The following DACH1 variants were observed in gnomAD, a reference collection of about 807,000 sequenced individuals.
The protein encoded by DACH1 is dachshund homolog 1.
A neutral mutation model predicts 54.2 loss-of-function variants in DACH1; 12 were observed. The ratio of observed to expected loss-of-function variants is 0.22; its 90% CI spans 0.14 to 0.36. The LOEUF is 0.36. DACH1 is among the 10% of genes least tolerant of loss of function. DACH1 has a pLI of 1.00. For synonymous variants in DACH1, 386 were observed against 366.2 expected, an observed-to-expected ratio of 1.05 and a Z score of -0.62; for missense variants, 805 against 929.8, an observed-to-expected ratio of 0.87 and a Z score of 1.75.
At position 71,816,596 on chromosome 13, in the gene DACH1, ACATATGTGTGTATATATATACACGTG is replaced by A. The variant is rs1289329940; in HGVS notation, c.848+49300_848+49325del. Among the ~76,000 whole-genome samples the A allele has an allele frequency of 5.6e-3, 567 of 102,084 alleles. 5 individuals are homozygous for A. The highest frequency in any genetic ancestry group is 0.018 in the African/African-American group (549 of 30,920). The allele number at this position is 102,084 out of a possible 152,430, so 67.0% of individuals were successfully genotyped here. A position where few individuals can be genotyped will look rare whatever the true frequency, so the allele number is the denominator to read the frequency against. On this transcript the variant is annotated intron_variant, in intron 1 of 10. Transcript: ENST00000613252. ...TATATATACACGTATATATATACAC[ACATATGTGTGTATATATATACACGTG>A]TATATATACACACACATATGTGTGT...
intron 1 of DACH1, among the ~76,000 whole-genome samples, chr13:71,819,375 G>A (rs1403802176): frequency 2.6e-5 from 4 of 152,234 alleles, no homozygotes; most frequent in African/African-American, 9.6e-5. Flanking sequence ...AGAGAGCAAA[G>A]CCGAGGGGCA....
At chr13:71,798,331 T>C (rs1490564881) in intron 1 of DACH1, among the ~76,000 whole-genome samples, 1,016 of 87,850 alleles carry the variant, frequency 0.012, 16 homozygotes, top group African/African-American at 0.043. Context: ...TACATATATA[T>C]ATATATATAT....
chr13:71,850,120 C>T lies in DACH1; in HGVS notation c.848+15802G>A, dbSNP rs147092392. On this transcript the variant is annotated intron_variant, in intron 1 of 10. Coordinates refer to ENST00000613252, the MANE Select transcript of DACH1 (RefSeq NM_080759.6). ...CTATAATATGTTGGGGAAGGATCTA[C>T]AGCTCTCATAGGTATACATCAGTAC... Among the ~76,000 whole-genome samples, 146 of 152,330 alleles carry T rather than the reference C, an allele frequency of 9.6e-4. 1 individual carries two copies. Among genetic ancestry groups the T allele is most frequent in the Non-Finnish European group, 1.4e-3 (95 of 68,026 alleles).
At chr13:71,683,308 G>A (rs2138705383) in intron 1 of DACH1, among the ~76,000 whole-genome samples, 1 of 152,224 alleles carries the variant, frequency 6.6e-6, no homozygotes, top group East Asian at 1.9e-4. Flanking sequence ...AGTTAGGATG[G>A]ATGATGATAC....
At chr13:71,608,544 A>T (rs1036178913) in intron 3 of DACH1, among the ~76,000 whole-genome samples, 1 of 152,032 alleles carries the variant, frequency 6.6e-6, no homozygotes. Context: ...CTTAAAAATA[A>T]ACTTTACTCT....
At chr13:71,478,015 A>G (rs1877725430) in intron 8 of DACH1, among the ~76,000 whole-genome samples, 1 of 152,218 alleles carries the variant, frequency 6.6e-6, no homozygotes, top group Non-Finnish European at 1.5e-5. Context: ...AGGTCTCTCC[A>G]GTAACCAAAG....
At chr13:71,603,575 A>T (rs865778528) in intron 3 of DACH1, among the ~76,000 whole-genome samples, 1 of 152,014 alleles carries the variant, frequency 6.6e-6, no homozygotes, top group Non-Finnish European at 1.5e-5. Context: ...AGCTAAAAAA[A>T]TTCCACCATA....
chr13:71,588,445 A>G lies in DACH1; in HGVS notation c.1127-15433T>C, dbSNP rs543875309. On this transcript the variant is annotated intron_variant, in intron 3 of 10. Coordinates refer to ENST00000613252, the MANE Select transcript of DACH1 (RefSeq NM_080759.6). ...TACCCTTTCATTTTAAATAATTCTT[A>G]TGCTGTTATTATCTTGAATACAAAA... is the stretch of plus-strand genomic sequence containing the variant. Among the ~76,000 whole-genome samples, 6 of 152,254 alleles carry G rather than the reference A, an allele frequency of 3.9e-5. No individual in the cohort carries two copies. The East Asian group carries it at 1.2e-3, about 29-fold the overall frequency.
chr13:71,614,460 C>A (rs530377004), intron 3 of DACH1, among the ~76,000 whole-genome samples: 20 of 151,990 alleles, frequency 1.3e-4, no homozygotes, highest in Admixed American at 1.1e-3. Context: ...GGAAAAAAAA[C>A]CCAAATTTCA....
intron 10 of DACH1, among the ~76,000 whole-genome samples, chr13:71,450,836 C>G (rs950563406): frequency 1.3e-5 from 2 of 152,112 alleles, no homozygotes; most frequent in Non-Finnish European, 2.9e-5. Flanking sequence ...AAGCCACAAC[C>G]TCATCCAGAG....
At chr13:71,797,891 T>G (rs1005162488) in intron 1 of DACH1, among the ~76,000 whole-genome samples, 3 of 152,130 alleles carry the variant, frequency 2.0e-5, no homozygotes, top group African/African-American at 7.2e-5. Context: ...TCCTTCTATA[T>G]AAGGATCTGT....
At chr13:71,577,147 T>C (rs7990199) in intron 3 of DACH1, among the ~76,000 whole-genome samples, 39,598 of 151,940 alleles carry the variant, frequency 0.26, 7,492 homozygotes, top group African/African-American at 0.5. Context: ...GATACTAAGG[T>C]CCTCCTGCTG....
chr13:71,686,132 A>G (rs1881148578), intron 1 of DACH1, among the ~76,000 whole-genome samples: 1 of 152,194 alleles, frequency 6.6e-6, no homozygotes, highest in Admixed American at 6.5e-5. Context: ...GACCTCACTT[A>G]AATAATTACA....
intron 1 of DACH1, among the ~76,000 whole-genome samples, chr13:71,757,312 A>G (rs531340582): frequency 1.3e-5 from 2 of 152,120 alleles, no homozygotes; most frequent in South Asian, 4.1e-4. Flanking sequence ...CAATATAAGG[A>G]AATAACTTGA....
At chr13:71,605,102 T>TCCC in intron 3 of DACH1, among the ~76,000 whole-genome samples, 1 of 151,960 alleles carries the variant, frequency 6.6e-6, no homozygotes, top group East Asian at 1.9e-4. Flanking sequence ...AGTAGTGGAT[T>TCCC]CCCTTAAAGC....
At chr13:71,679,109 C>G (rs754026885) in intron 2 of DACH1, among the ~76,000 whole-genome samples, 8 of 152,106 alleles carry the variant, frequency 5.3e-5, no homozygotes, top group Non-Finnish European at 1.0e-4. Context: ...TAGGAAAGAA[C>G]AAAAGTAGAA....
intron 4 of DACH1, among the ~76,000 whole-genome samples, chr13:71,565,593 C>A (rs1055353037): frequency 6.6e-6 from 1 of 152,024 alleles, no homozygotes; most frequent in Non-Finnish European, 1.5e-5. Context: ...ATGATGTTAG[C>A]ATGCTTACAC....
intron 1 of DACH1, among the ~76,000 whole-genome samples, chr13:71,787,787 A>G (rs568843822): frequency 2.0e-5 from 3 of 152,236 alleles, no homozygotes; most frequent in Admixed American, 2.0e-4. Flanking sequence ...TAACATTCTC[A>G]TTGACTTTGG....
At chr13:71,760,962 A>T (rs2138007259) in intron 1 of DACH1, among the ~76,000 whole-genome samples, 1 of 152,218 alleles carries the variant, frequency 6.6e-6, no homozygotes, top group East Asian at 1.9e-4. Flanking sequence ...CATTTTCATA[A>T]TCCATTGTCT....
Sources: gnomAD v4.1 joint callset for allele counts (sites outside exome capture counted in the v4.1 genomes callset) on GRCh38, gnomAD v4.1.1 for gene constraint, MANE v1.5 for transcripts, NCBI Gene and HGNC (gene_info 2026-07-23, HGNC 2026-07-21) for gene names.